The following ZP3 variants were observed in gnomAD, a reference collection of about 807,000 sequenced individuals.
The protein encoded by ZP3 is zona pellucida glycoprotein 3, also known as zona pellucida sperm-binding protein 3.
In ZP3, 21 loss-of-function variants were observed where a neutral mutation model predicts 35.6. That is an observed-to-expected ratio of 0.59 (90% CI 0.42 to 0.85). The LOEUF (loss-of-function observed/expected upper bound fraction) is 0.85, where lower values mean the gene tolerates loss of function less well. Ranked by LOEUF, ZP3 falls within the 40% of genes least tolerant of loss-of-function variation. The probability of loss-of-function intolerance (pLI) is 0.00; values close to 1 mark genes in which losing one functional copy is unlikely to be tolerated. For missense variants in ZP3, 437 were observed against 536.5 expected (o/e 0.81, Z 1.83); for synonymous variants, 207 against 214.5 (o/e 0.96, Z 0.31).
In ZP3 at chr7:76,440,331, C is replaced by G. The variant is rs1351598973; in HGVS notation, c.913C>G (p.Pro305Ala). ...ELNKACSFSK[P>A]SNSWFPVEGS... Reference sequence around the variant, plus strand: ...CAACAAGGCCTGTTCCTTCAGCAAGCCTTCCAACAGGTGAGGAGGACAGGT... The same window carrying G: ...CAACAAGGCCTGTTCCTTCAGCAAGGCTTCCAACAGGTGAGGAGGACAGGT... The change falls in exon 6 of 8, where the codon CCT (proline) becomes GCT (alanine). Residue 305 changes from proline to alanine, a missense_variant. By Grantham distance (27) the Pro-to-Ala change is conservative. This residue lies in a region of ZP3 where 26 missense variants were observed against 78.2 expected (regional missense o/e 0.33). Transcript: ENST00000394857. 1.3e-5 allele frequency: 21 copies of G among 1,606,868 alleles called. No homozygotes were observed. Among genetic ancestry groups the G allele is most frequent in the East Asian group, 2.3e-5 (1 of 43,864 alleles).
At chr7:76,426,401 C>T (rs367696817) in intron 1 of ZP3, among the ~76,000 whole-genome samples, 1 of 152,196 alleles carries the variant, frequency 6.6e-6, no homozygotes, top group East Asian at 1.9e-4. Flanking sequence ...CTCAGGGGAA[C>T]CTGGCTCCTC....
chr7:76,440,584 A>T lies in ZP3; in HGVS notation c.1033A>T (p.Arg345Trp). Reference sequence around the variant, plus strand: ...GCCTCATGTCATGAGCCAGTGGTCCAGGTCTGCTTCCCGTAACCGCAGGCA... The same window carrying T: ...GCCTCATGTCATGAGCCAGTGGTCCTGGTCTGCTTCCCGTAACCGCAGGCA... ...RQPHVMSQWSRSASRNRRHVT... is the reference protein window; with the variant it reads ...RQPHVMSQWSWSASRNRRHVT... The change falls in exon 7 of 8, where the codon AGG becomes TGG. Residue 345 changes from arginine (R) to tryptophan (W), a missense_variant. By Grantham distance (101) the Arg-to-Trp change is moderately radical. Transcript: ENST00000394857. 1 of 1,613,836 alleles carries T rather than the reference A, an allele frequency of 6.2e-7. No homozygotes were observed. Among genetic ancestry groups the T allele is most frequent in the Non-Finnish European group, 8.5e-7 (1 of 1,179,796 alleles).
At chr7:76,403,779 A>C (rs1563685977) in intron 1 of ZP3, among the ~76,000 whole-genome samples, 1 of 151,940 alleles carries the variant, frequency 6.6e-6, no homozygotes, top group Non-Finnish European at 1.5e-5. Context: ...CTCCTGCCTC[A>C]GCCTCCTGAG....
chr7:76,424,942 C>T (rs763030335), upstream of ZP3: 8 of 1,498,580 alleles, frequency 5.3e-6, no homozygotes, highest in South Asian at 5.0e-5. Flanking sequence ...CCAGAGGCGG[C>T]TGCCTGCTGC....
chr7:76,440,717 T>C, intron 7 of ZP3, 106 bp downstream of exon 7: 3 of 1,510,186 alleles, frequency 2.0e-6, no homozygotes, highest in Non-Finnish European at 2.7e-6. Flanking sequence ...CCATTAAAAC[T>C]GTTTGTACCT....
intron 1 of ZP3, among the ~76,000 whole-genome samples, chr7:76,412,955 TCTTC>T (rs1805284575): frequency 1.0e-5 from 1 of 99,294 alleles, no homozygotes; most frequent in Non-Finnish European, 2.0e-5. Context: ...TTTGTCTTCT[TCTTC>T]TTCTTCTTTT....
upstream of ZP3, among the ~76,000 whole-genome samples, chr7:76,421,242 A>AT (rs1470700161): frequency 2.0e-5 from 3 of 151,632 alleles, no homozygotes; most frequent in Non-Finnish European, 4.4e-5. Flanking sequence ...CCATTTCCAC[A>AT]TTTTTTTGAG....
intron 1 of ZP3, among the ~76,000 whole-genome samples, chr7:76,426,082 C>CG (rs1805641992): frequency 8.2e-6 from 1 of 121,796 alleles, no homozygotes; most frequent in South Asian, 2.7e-4. Context: ...GACTCTGGCT[C>CG]AAAAAAAAAA....
At chr7:76,440,210 G>T in intron 5 of ZP3, 40 bp from the exon 6 acceptor site, 4 of 1,586,542 alleles carry the variant, frequency 2.5e-6, no homozygotes, top group African/African-American at 1.3e-5. Context: ...CCCAGGCACA[G>T]CCTGGAACTC....
intron 1 of ZP3, among the ~76,000 whole-genome samples, chr7:76,405,957 C>T (rs1378725811): frequency 1.4e-5 from 2 of 147,340 alleles, no homozygotes; most frequent in Non-Finnish European, 3.0e-5. Flanking sequence ...TTCCTTCCTT[C>T]CTTCCTTCTT....
At chr7:76,403,852 C>G (rs983705195) in intron 1 of ZP3, among the ~76,000 whole-genome samples, 1 of 147,210 alleles carries the variant, frequency 6.8e-6, no homozygotes, top group Admixed American at 6.8e-5. Context: ...AGTAGGGACG[C>G]GGGTTTCACC....
chr7:76,427,311 T>A (rs2115892010), intron 1 of ZP3, among the ~76,000 whole-genome samples: 1 of 151,980 alleles, frequency 6.6e-6, no homozygotes, highest in East Asian at 1.9e-4. Context: ...GGTCAGGAGT[T>A]CAAGACCAGC....
chr7:76,423,824 T>C (rs1805579116), upstream of ZP3, among the ~76,000 whole-genome samples: 1 of 151,258 alleles, frequency 6.6e-6, no homozygotes, highest in South Asian at 2.1e-4. Context: ...ATTGCACCAC[T>C]ACACTCCAGC....
chr7:76,397,669 G>T, exon 1 of ZP3: 1 of 1,613,548 alleles, frequency 6.2e-7, no homozygotes, highest in South Asian at 1.1e-5. Flanking sequence ...AGGCGTTGGT[G>T]GTGGCGGCCA....
intron 5 of ZP3, among the ~76,000 whole-genome samples, chr7:76,436,145 A>G (rs1408774230): frequency 3.0e-5 from 4 of 133,096 alleles, no homozygotes; most frequent in Non-Finnish European, 6.1e-5. Context: ...TCCACCTCCC[A>G]GGCTCAAGCG....
intron 1 of ZP3, chr7:76,428,646 C>T (rs1389087340): frequency 6.6e-6 from 1 of 152,310 alleles, no homozygotes; most frequent in Non-Finnish European, 1.5e-5. Context: ...GTGAAATGGG[C>T]TTGAATAGGT....
At chr7:76,409,471 A>G (rs1281035037) in intron 1 of ZP3, 2 of 152,240 alleles carry the variant, frequency 1.3e-5, no homozygotes, top group Non-Finnish European at 2.9e-5. Flanking sequence ...CCAAGATCGA[A>G]TCACTTTGTC....
chr7:76,403,526 C>T (rs1208378106), intron 1 of ZP3, among the ~76,000 whole-genome samples: 1 of 151,262 alleles, frequency 6.6e-6, no homozygotes, highest in Non-Finnish European at 1.5e-5. Flanking sequence ...TTAGTAGAGA[C>T]GGGGTTTCAC....
chr7:76,429,392 C>T, intron 1 of ZP3, 123 bp from the exon 2 acceptor site: 1 of 875,262 alleles, frequency 1.1e-6, no homozygotes, highest in East Asian at 2.5e-5. Context: ...GTCACTGCAC[C>T]TGGCCTTGAC....
Sources: allele counts gnomAD v4.1 joint callset (sites outside exome capture counted in the v4.1 genomes callset), GRCh38; gene constraint gnomAD v4.1.1; regional missense constraint gnomAD v4.1.1; transcripts MANE v1.5; gene names NCBI Gene and HGNC (gene_info 2026-07-23, HGNC 2026-07-21).